Variants in GPC5 observed in about 807,000 individuals in gnomAD.
The protein encoded by GPC5 is glypican 5.
Under a neutral mutation model 53.9 loss-of-function variants are expected in GPC5, and 47 were observed. The observed-to-expected ratio is 0.87, with a 90% CI of 0.69 to 1.11. GPC5 has a LOEUF of 1.11. GPC5 is among the 50% of genes most tolerant of loss of function. The probability of loss-of-function intolerance (pLI) is 0.00; values close to 1 mark genes in which losing one functional copy is unlikely to be tolerated. For synonymous variants in GPC5, 286 were observed against 263.3 expected (o/e 1.09, Z -0.84); for missense variants, 748 against 713.1 (o/e 1.05, Z -0.56).
At chr13:92,412,898 G>T (rs1876111888) in intron 7 of GPC5, among the ~76,000 whole-genome samples, 1 of 152,156 alleles carries the variant, frequency 6.6e-6, no homozygotes, top group Admixed American at 6.5e-5. Flanking sequence ...CATGGAGGCA[G>T]TTGCTGGTAA....
At chr13:92,196,767 G>C (rs968976452) in intron 7 of GPC5, among the ~76,000 whole-genome samples, 7 of 151,574 alleles carry the variant, frequency 4.6e-5, no homozygotes, top group African/African-American at 1.5e-4. Context: ...AACTGGGAGA[G>C]CTTTCAATAT....
At chr13:92,566,460 A>G (rs1452165237) in intron 7 of GPC5, among the ~76,000 whole-genome samples, 1 of 152,150 alleles carries the variant, frequency 6.6e-6, no homozygotes, top group Admixed American at 6.6e-5. Flanking sequence ...GATGCAGTCA[A>G]TTCATTACAT....
At chr13:92,095,231 G>T (rs754171384) in intron 6 of GPC5, among the ~76,000 whole-genome samples, 63 of 152,004 alleles carry the variant, frequency 4.1e-4, no homozygotes, top group Non-Finnish European at 6.3e-4. Context: ...TATAAATTGG[G>T]CTTATTAAAA....
intron 7 of GPC5, among the ~76,000 whole-genome samples, chr13:92,627,830 A>G (rs1885095729): frequency 6.6e-6 from 1 of 152,180 alleles, no homozygotes; most frequent in Non-Finnish European, 1.5e-5. Context: ...CTTAATCAGT[A>G]TATATTTCCC....
At chr13:91,758,476 T>C (rs2037342143) in intron 5 of GPC5, among the ~76,000 whole-genome samples, 1 of 152,158 alleles carries the variant, frequency 6.6e-6, no homozygotes, top group Non-Finnish European at 1.5e-5. Flanking sequence ...TTTATCCCAT[T>C]CCTCTCTTGA....
intron 7 of GPC5, among the ~76,000 whole-genome samples, chr13:92,296,914 C>T (rs943224576): frequency 5.3e-5 from 8 of 152,228 alleles, no homozygotes; most frequent in East Asian, 3.9e-4. Flanking sequence ...GGGCAGGGCT[C>T]GGGACCTGCA....
intron 2 of GPC5, among the ~76,000 whole-genome samples, chr13:91,485,230 G>C (rs1462389172): frequency 1.0e-5 from 1 of 99,940 alleles, no homozygotes; most frequent in Admixed American, 1.0e-4. Flanking sequence ...TTTTTTTTTT[G>C]AGACAGAGTC....
intron 5 of GPC5, among the ~76,000 whole-genome samples, chr13:91,832,362 G>A (rs1490982510): frequency 2.0e-5 from 2 of 97,718 alleles, no homozygotes; most frequent in South Asian, 6.0e-4. Context: ...CCTTTATTTT[G>A]AGCCTATGTG....
chr13:92,104,768 C>A (rs1170274921), intron 6 of GPC5, among the ~76,000 whole-genome samples: 1 of 152,006 alleles, frequency 6.6e-6, no homozygotes, highest in African/African-American at 2.4e-5. Flanking sequence ...GAGTTTTAAT[C>A]CAGATCTTTG....
At chr13:91,476,457 A>C (rs1249867780) in intron 2 of GPC5, among the ~76,000 whole-genome samples, 3 of 152,226 alleles carry the variant, frequency 2.0e-5, no homozygotes, top group Non-Finnish European at 4.4e-5. Flanking sequence ...ATGTGAGACC[A>C]AAAAAAGAAA....
chr13:91,937,373 A>G (rs2039881056), intron 6 of GPC5, among the ~76,000 whole-genome samples: 1 of 152,056 alleles, frequency 6.6e-6, no homozygotes, highest in South Asian at 2.1e-4. Flanking sequence ...TTTTTACGTG[A>G]TGTTTCTGAT....
At chr13:91,638,062 T>C (rs977313371) in intron 2 of GPC5, among the ~76,000 whole-genome samples, 1 of 152,202 alleles carries the variant, frequency 6.6e-6, no homozygotes, top group Non-Finnish European at 1.5e-5. Flanking sequence ...AAGGCAAATG[T>C]AGGAAAACAG....
chr13:92,092,237 C>T (rs780367310), intron 6 of GPC5, among the ~76,000 whole-genome samples: 3 of 152,198 alleles, frequency 2.0e-5, no homozygotes, highest in Non-Finnish European at 4.4e-5. Flanking sequence ...CTGCATGCCT[C>T]TCAGGCACTT....
chr13:91,501,672 T>A (rs1884645562), intron 2 of GPC5, among the ~76,000 whole-genome samples: 1 of 152,186 alleles, frequency 6.6e-6, no homozygotes, highest in Non-Finnish European at 1.5e-5. Context: ...TGGTTCCAAG[T>A]CTTTGCTATT....
intron 7 of GPC5, among the ~76,000 whole-genome samples, chr13:92,173,711 T>A (rs2042087172): frequency 6.6e-6 from 1 of 152,194 alleles, no homozygotes; most frequent in Non-Finnish European, 1.5e-5. Flanking sequence ...ATAATAATTA[T>A]TTATATGAAC....
intron 7 of GPC5, among the ~76,000 whole-genome samples, chr13:92,334,671 T>C (rs1379219196): frequency 3.9e-5 from 6 of 152,144 alleles, no homozygotes; most frequent in South Asian, 2.1e-4. Flanking sequence ...AGTTACTTCC[T>C]AGACACAATG....
At chr13:91,936,479 AG>A (rs2039872355) in intron 6 of GPC5, among the ~76,000 whole-genome samples, 1 of 152,096 alleles carries the variant, frequency 6.6e-6, no homozygotes, top group African/African-American at 2.4e-5. Flanking sequence ...ATGACCACAA[AG>A]CATCATTTTT....
chr13:92,708,580 T>C (rs931191709), intron 7 of GPC5, among the ~76,000 whole-genome samples: 1 of 152,098 alleles, frequency 6.6e-6, no homozygotes, highest in Non-Finnish European at 1.5e-5. Flanking sequence ...GAAATACAGC[T>C]CTAATTTATC....
intron 2 of GPC5, among the ~76,000 whole-genome samples, chr13:91,567,279 C>T (rs577225856): frequency 3.9e-5 from 6 of 152,080 alleles, no homozygotes; most frequent in African/African-American, 1.4e-4. Flanking sequence ...TGTGCCTGTG[C>T]GTATGAGTAT....
Sources: gnomAD v4.1 joint callset for allele counts (sites outside exome capture counted in the v4.1 genomes callset) on GRCh38, gnomAD v4.1.1 for gene constraint, MANE v1.5 for transcripts, NCBI Gene and HGNC (gene_info 2026-07-23, HGNC 2026-07-21) for gene names.